Variants in ATXN8OS observed in about 807,000 individuals in gnomAD.
The protein encoded by ATXN8OS is ATXN8 opposite strand lncRNA.
chr13:70,152,625 C>T (rs1593774375), intron 4 of ATXN8OS, among the ~76,000 whole-genome samples: 1 of 151,782 alleles, frequency 6.6e-6, no homozygotes, highest in African/African-American at 2.4e-5. Context: ...TAGCACCTGG[C>T]ATGTAGGAGA....
intron 2 of ATXN8OS, among the ~76,000 whole-genome samples, chr13:70,125,109 T>G (rs1888412313): frequency 6.6e-6 from 1 of 152,146 alleles, no homozygotes; most frequent in Admixed American, 6.6e-5. Context: ...CACCACTGAA[T>G]TTTTAGGGTA....
intron 3 of ATXN8OS, among the ~76,000 whole-genome samples, chr13:70,134,916 G>T (rs1222398360): frequency 6.6e-6 from 1 of 152,188 alleles, no homozygotes; most frequent in Admixed American, 6.5e-5. Flanking sequence ...AACGGGAAAA[G>T]ATATCCCCAC....
At chr13:70,158,076 A>C (rs1044697624) in intron 4 of ATXN8OS, among the ~76,000 whole-genome samples, 3 of 152,176 alleles carry the variant, frequency 2.0e-5, no homozygotes, top group African/African-American at 7.2e-5. Flanking sequence ...GATTGTGTGT[A>C]AAGCCGCTAG....
At chr13:70,134,621 C>A (rs1035120249) in intron 3 of ATXN8OS, among the ~76,000 whole-genome samples, 5 of 152,182 alleles carry the variant, frequency 3.3e-5, no homozygotes, top group Non-Finnish European at 5.9e-5. Flanking sequence ...CTTCCTATGG[C>A]AATTGCCAAG....
At chr13:70,143,631 G>A (rs751459633) in intron 3 of ATXN8OS, among the ~76,000 whole-genome samples, 1 of 152,120 alleles carries the variant, frequency 6.6e-6, no homozygotes, top group Non-Finnish European at 1.5e-5. Flanking sequence ...AGAGAACTTA[G>A]GTTGAGCGGT....
intron 4 of ATXN8OS, among the ~76,000 whole-genome samples, chr13:70,158,740 G>A (rs182039482): frequency 2.0e-5 from 3 of 152,088 alleles, no homozygotes; most frequent in Admixed American, 2.0e-4. Context: ...TTATTTATGG[G>A]CACTGGATTT....
At chr13:70,142,259 A>G (rs1566608931) in intron 3 of ATXN8OS, among the ~76,000 whole-genome samples, 1 of 152,142 alleles carries the variant, frequency 6.6e-6, no homozygotes, top group Admixed American at 6.6e-5. Context: ...TCTGAATAAA[A>G]CTTTGTGATA....
chr13:70,155,331 C>T lies in ATXN8OS; in HGVS notation n.573+7903C>T, dbSNP rs142641642. Among the ~76,000 whole-genome samples, 196 of 152,200 alleles carry T rather than the reference C, an allele frequency of 1.3e-3. 2 individuals carry two copies. The highest frequency in any genetic ancestry group is 5.9e-4 in the Non-Finnish European group (40 of 67,992). On this transcript the variant is annotated intron_variant and non_coding_transcript_variant, in intron 4 of 4. Coordinates refer to ENST00000678624, the Ensembl canonical transcript of ATXN8OS. Reference sequence around the variant, plus strand: ...TTAAACCTGTAGCCATTTTTTAAGGCGAGATCTTTTTTAGGATAACCATAG... The same window carrying T: ...TTAAACCTGTAGCCATTTTTTAAGGTGAGATCTTTTTTAGGATAACCATAG...
chr13:70,127,571 A>G (rs1221165255), intron 2 of ATXN8OS, among the ~76,000 whole-genome samples: 2 of 152,050 alleles, frequency 1.3e-5, no homozygotes, highest in Non-Finnish European at 2.9e-5. Context: ...GAGAATATTG[A>G]CTTTAGAAAC....
intron 3 of ATXN8OS, chr13:70,139,261 G>T (rs186064121): frequency 4.4e-6 from 2 of 458,892 alleles, no homozygotes; most frequent in South Asian, 5.5e-5. Flanking sequence ...CTGACTCCCA[G>T]CTTCCACGGA....
At chr13:70,112,733 T>C (rs1888214313) in intron 1 of ATXN8OS, among the ~76,000 whole-genome samples, 2 of 151,974 alleles carry the variant, frequency 1.3e-5, no homozygotes, top group African/African-American at 2.4e-5. Context: ...TTCATTAGTA[T>C]GTGAATTCAA....
chr13:70,162,676 G>C (rs1050614024), intron 4 of ATXN8OS, among the ~76,000 whole-genome samples: 11 of 151,952 alleles, frequency 7.2e-5, no homozygotes, highest in Admixed American at 1.3e-4. Flanking sequence ...CAAAATATTA[G>C]GCCTCACAAT....
At position 70,139,412 on chromosome 13, in the gene ATXN8OS, T is replaced by TGCTGCTGCTGCTGCTGCTGCTGCA; in HGVS notation, n.500-7926_500-7925insTGCTGCAGCTGCTGCTGCTGCTGC. The TGCTGCTGCTGCTGCTGCTGCTGCA allele has an allele frequency of 3.9e-6, 3 of 777,166 alleles. No homozygotes were observed. The African/African-American group carries it at 5.5e-5, about 14-fold the overall frequency. 48.1% of individuals were successfully genotyped at this position (777,166 alleles called of 1,614,324 possible). On this transcript the variant is annotated intron_variant and non_coding_transcript_variant, in intron 3 of 4. Transcript: ENST00000678624. ...CTGCTGCTGCTGCTGCTGCTGCTGCTGCTGCTGCTGCTGCTGCATTTTTTA... is the reference window on the plus strand; with the variant it reads ...CTGCTGCTGCTGCTGCTGCTGCTGCTGCTGCTGCTGCTGCTGCTGCTGCAGCTGCTGCTGCTGCTGCATTTTTTA...
intron 3 of ATXN8OS, chr13:70,130,732 C>A (rs1457741870): frequency 2.5e-6 from 1 of 398,282 alleles, no homozygotes; most frequent in Non-Finnish European, 4.4e-6. Flanking sequence ...CTGGCATAAT[C>A]CAAGACTATT....
At chr13:70,131,064 A>G (rs1019897672) in intron 3 of ATXN8OS, 6 of 398,336 alleles carry the variant, frequency 1.5e-5, no homozygotes, top group Non-Finnish European at 2.2e-5. Context: ...TCTTTGACCA[A>G]TTTTGTCTTA....
intron 3 of ATXN8OS, among the ~76,000 whole-genome samples, chr13:70,145,559 T>C (rs1358220655): frequency 6.6e-6 from 1 of 152,034 alleles, no homozygotes; most frequent in Non-Finnish European, 1.5e-5. Flanking sequence ...CTTGAAGAGG[T>C]CCTTCACATC....
At position 70,165,374 on chromosome 13, in the gene ATXN8OS, C is replaced by T. The variant is rs532018580; in HGVS notation, n.574-4379C>T. Among the ~76,000 whole-genome samples, 8 of 151,740 alleles carry T rather than the reference C, an allele frequency of 5.3e-5. No individual in the cohort carries two copies. In the East Asian group the frequency reaches 5.8e-4, roughly 11 times the overall value. Reference sequence around the variant, plus strand: ...TCACATGAAAGAGATAAAGGTTATTCCTGCATAGTTGTATAATCAGTATTT... The same window carrying T: ...TCACATGAAAGAGATAAAGGTTATTTCTGCATAGTTGTATAATCAGTATTT... On this transcript the variant is annotated intron_variant and non_coding_transcript_variant, in intron 4 of 4. Transcript: ENST00000678624.
chr13:70,131,707 TTCA>T (rs762885175), intron 3 of ATXN8OS, among the ~76,000 whole-genome samples: 4 of 152,246 alleles, frequency 2.6e-5, no homozygotes, highest in Non-Finnish European at 5.9e-5. Flanking sequence ...GCTGTATACT[TTCA>T]TACCTCCCTC....
At chr13:70,160,107 GAAT>G (rs1400615873) in intron 4 of ATXN8OS, among the ~76,000 whole-genome samples, 1 of 152,084 alleles carries the variant, frequency 6.6e-6, no homozygotes, top group African/African-American at 2.4e-5. Context: ...GAATATGCCA[GAAT>G]GGCTGTACCA....
Sources: allele counts gnomAD v4.1 joint callset (sites outside exome capture counted in the v4.1 genomes callset), GRCh38; gene constraint gnomAD v4.1.1; transcripts MANE v1.5; gene names NCBI Gene and HGNC (gene_info 2026-07-23, HGNC 2026-07-21).